Variants in SCHIP1 observed in about 807,000 individuals in gnomAD.
SCHIP1 encodes the protein schwannomin interacting protein 1, also known as schwannomin-interacting protein 1.
SCHIP1 carries 8 observed loss-of-function variants against 29.7 expected under a neutral mutation model. That is an observed-to-expected ratio of 0.27 (90% CI 0.16 to 0.49). The LOEUF (loss-of-function observed/expected upper bound fraction) is 0.49. Ranked by LOEUF, SCHIP1 falls within the 20% of genes least tolerant of loss-of-function variation. SCHIP1 has a pLI of 0.99. For missense variants in SCHIP1, 193 were observed against 294.6 expected (o/e 0.66, Z 2.52); for synonymous variants, 76 against 94.9 (o/e 0.80, Z 1.16).
At chr3:159,775,582 G>A in the SCHIP1 span, among the ~76,000 whole-genome samples, 19 of 152,182 alleles carry the variant, frequency 1.2e-4, no homozygotes, top group Non-Finnish European at 2.5e-4. Flanking sequence ...TAAGAAAGTG[G>A]CTCATCTAGC....
At chr3:159,415,407 C>A in the SCHIP1 span, among the ~76,000 whole-genome samples, 1 of 152,080 alleles carries the variant, frequency 6.6e-6, no homozygotes, top group Non-Finnish European at 1.5e-5. Flanking sequence ...AGGTATTAAG[C>A]CTAGTACCCA....
the SCHIP1 span, among the ~76,000 whole-genome samples, chr3:159,667,030 G>A: frequency 2.6e-5 from 4 of 152,200 alleles, no homozygotes. Flanking sequence ...GAGAGTGCAT[G>A]AAATAATGGC....
At chr3:159,594,083 C>A in the SCHIP1 span, among the ~76,000 whole-genome samples, 1 of 151,886 alleles carries the variant, frequency 6.6e-6, no homozygotes, top group African/African-American at 2.4e-5. Flanking sequence ...GGGAAAGGAA[C>A]CTTGACACAT....
At chr3:159,336,861 T>G in the SCHIP1 span, among the ~76,000 whole-genome samples, 3 of 152,310 alleles carry the variant, frequency 2.0e-5, no homozygotes, top group African/African-American at 4.8e-5. Flanking sequence ...TTAAAGTAGT[T>G]TTTTCCAATT....
At chr3:159,616,857 G>C in the SCHIP1 span, among the ~76,000 whole-genome samples, 1 of 152,110 alleles carries the variant, frequency 6.6e-6, no homozygotes. Context: ...GATCTGCATT[G>C]TCCAATATGG....
At chr3:159,790,929 A>T in the SCHIP1 span, among the ~76,000 whole-genome samples, 1 of 152,212 alleles carries the variant, frequency 6.6e-6, no homozygotes. Flanking sequence ...TATGTTATTT[A>T]TTTTAATATT....
chr3:159,296,585 C>G, the SCHIP1 span, among the ~76,000 whole-genome samples: 6 of 152,074 alleles, frequency 3.9e-5, no homozygotes, highest in Admixed American at 6.6e-5. Flanking sequence ...ACCAGCCTGG[C>G]CAACATGGCG....
the SCHIP1 span, among the ~76,000 whole-genome samples, chr3:159,626,257 TAG>T: frequency 4.1e-4 from 44 of 106,930 alleles, no homozygotes; most frequent in Admixed American, 2.1e-3. Flanking sequence ...TCTATATAGA[TAG>T]ATAGATAGAT....
At chr3:159,274,424 G>A in the SCHIP1 span, 2 of 910,162 alleles carry the variant, frequency 2.2e-6, no homozygotes, top group South Asian at 5.1e-5. Context: ...AATGTATAGA[G>A]TGGCAGCTTA....
At chr3:159,316,787 A>C in the SCHIP1 span, among the ~76,000 whole-genome samples, 15 of 152,360 alleles carry the variant, frequency 9.8e-5, no homozygotes, top group African/African-American at 3.6e-4. Context: ...AATAAATCTT[A>C]CGTCACATGA....
chr3:159,398,863 T>G, the SCHIP1 span: 1 of 433,582 alleles, frequency 2.3e-6, no homozygotes, highest in African/African-American at 2.1e-5. Flanking sequence ...ATGTTGAGTT[T>G]TAGTACCTTA....
chr3:159,774,519 A>T, the SCHIP1 span, among the ~76,000 whole-genome samples: 237 of 152,078 alleles, frequency 1.6e-3, no homozygotes, highest in Non-Finnish European at 2.9e-3. Context: ...TTTTCTCTCC[A>T]CTGACCGATT....
At chr3:159,840,989 T>C (rs1391070128) in intron 1 of SCHIP1, among the ~76,000 whole-genome samples, 1 of 152,232 alleles carries the variant, frequency 6.6e-6, no homozygotes, top group African/African-American at 2.4e-5. Flanking sequence ...AAGAATGTTC[T>C]CAGAGAAATT....
At chr3:159,273,724 C>T in the SCHIP1 span, 1 of 1,543,654 alleles carries the variant, frequency 6.5e-7, no homozygotes, top group South Asian at 1.2e-5. Context: ...GACAACCTTA[C>T]TAGCTAACCC....
At chr3:159,342,943 A>C in the SCHIP1 span, among the ~76,000 whole-genome samples, 10 of 152,254 alleles carry the variant, frequency 6.6e-5, no homozygotes, top group Admixed American at 5.9e-4. Context: ...TAAATGAAAT[A>C]GTTTTTAATC....
At chr3:159,325,803 AT>A in the SCHIP1 span, among the ~76,000 whole-genome samples, 1 of 151,820 alleles carries the variant, frequency 6.6e-6, no homozygotes, top group Non-Finnish European at 1.5e-5. Context: ...TACTATTTAT[AT>A]TTTTTTCTCT....
At chr3:159,281,710 C>T in the SCHIP1 span, among the ~76,000 whole-genome samples, 7 of 152,166 alleles carry the variant, frequency 4.6e-5, no homozygotes, top group South Asian at 8.3e-4. Context: ...TCAGTCAACA[C>T]ATTTTGAATG....
chr3:159,471,165 A>G, the SCHIP1 span, among the ~76,000 whole-genome samples: 1 of 152,160 alleles, frequency 6.6e-6, no homozygotes, highest in African/African-American at 2.4e-5. Flanking sequence ...GTGAACCATT[A>G]AAAGTCCATC....
chr3:159,404,588 T>C, the SCHIP1 span, among the ~76,000 whole-genome samples: 1 of 152,172 alleles, frequency 6.6e-6, no homozygotes, highest in Non-Finnish European at 1.5e-5. Context: ...AGACTTTGTC[T>C]TGTGGCCTGA....
Sources: gnomAD v4.1 joint callset for allele counts (sites outside exome capture counted in the v4.1 genomes callset) on GRCh38, gnomAD v4.1.1 for gene constraint, MANE v1.5 for transcripts, NCBI Gene and HGNC (gene_info 2026-07-23, HGNC 2026-07-21) for gene names.